ENO4: variants seen among roughly 807,000 people sequenced by gnomAD.
ENO4 encodes the protein 2-phospho-D-glycerate hydro-lyase.
In ENO4, 53 loss-of-function variants were observed where a neutral mutation model predicts 63.2. The observed-to-expected ratio is 0.84, with a 90% CI of 0.67 to 1.05. ENO4 has a LOEUF of 1.05. Ranked by LOEUF, ENO4 falls within the 50% of genes least tolerant of loss-of-function variation. The probability of loss-of-function intolerance (pLI) is 0.00; values close to 1 mark genes in which losing one functional copy is unlikely to be tolerated. For missense variants in ENO4, 719 were observed against 772.0 expected, an observed-to-expected ratio of 0.93 and a Z score of 0.81; for synonymous variants, 266 against 283.8, an observed-to-expected ratio of 0.94 and a Z score of 0.63.
At chr10:116,863,913 T>C (rs1313294989) in intron 7 of ENO4, among the ~76,000 whole-genome samples, 1 of 151,852 alleles carries the variant, frequency 6.6e-6, no homozygotes, top group Admixed American at 6.6e-5. Context: ...ACAAGTTAGC[T>C]CTGATGTTGC....
At chr10:116,894,818 G>A (rs954269219) in intron 10 of ENO4, among the ~76,000 whole-genome samples, 5 of 152,124 alleles carry the variant, frequency 3.3e-5, no homozygotes, top group Non-Finnish European at 7.3e-5. Context: ...GACAAGCAGC[G>A]CCACTTTCAG....
intron 13 of ENO4, 104 bp from the exon 14 acceptor site, chr10:116,881,411 G>A: frequency 1.2e-6 from 1 of 832,382 alleles, no homozygotes; most frequent in East Asian, 2.8e-5. Flanking sequence ...ATGGTGATGT[G>A]ACACCTTTGG....
chr10:116,890,360 G>A (rs966392854), intron 10 of ENO4, among the ~76,000 whole-genome samples: 3 of 152,134 alleles, frequency 2.0e-5, no homozygotes, highest in Non-Finnish European at 2.9e-5. Context: ...GGATCACCAT[G>A]GTGAGCTAGT....
rs781463624 is a variant in ENO4, at chr10:116,856,625, C to T, written c.428C>T (p.Thr143Met). The change falls in exon 3 of 14, where the codon ACG becomes ATG. Residue 143 changes from threonine to methionine, a missense_variant. By Grantham distance (81) the Thr-to-Met change is moderately conservative. Coordinates refer to ENST00000341276, the MANE Select transcript of ENO4 (RefSeq NM_001242699.2). The part of the protein sequence containing the change: ...TAVQWVNSTI[T>M]HELQGMAPSD... ...GTGCAGTGGGTCAACAGCACCATCA[C>T]GCACGAGCTCCAGGGGATGGCACCC... The T allele has an allele frequency of 5.9e-5, 91 of 1,535,944 alleles. No homozygotes were observed. Among genetic ancestry groups the T allele is most frequent in the East Asian group, 4.9e-5 (2 of 40,928 alleles).
chr10:116,886,864 TA>T (rs1847180803), downstream of ENO4, among the ~76,000 whole-genome samples: 1 of 152,178 alleles, frequency 6.6e-6, no homozygotes, highest in African/African-American at 2.4e-5. Flanking sequence ...TCAGGAAGCG[TA>T]AAGCTCATGG....
In ENO4 at chr10:116,862,794, T is replaced by A; in HGVS notation, c.937-5T>A. Reference sequence around the variant, plus strand: ...TGTGGAAGATCATGGTTGTTCTACTTACAGGGTGTCGAGATGCTTATGGAA... The same window carrying A: ...TGTGGAAGATCATGGTTGTTCTACTAACAGGGTGTCGAGATGCTTATGGAA... On this transcript the variant is annotated splice_polypyrimidine_tract_variant and splice_region_variant and intron_variant, in intron 6 of 13. Coordinates refer to ENST00000341276, the MANE Select transcript of ENO4 (RefSeq NM_001242699.2). 6.5e-7 allele frequency: 1 copy of A among 1,549,160 alleles called. No individual in the cohort carries two copies. The highest frequency in any genetic ancestry group is 8.7e-7 in the Non-Finnish European group (1 of 1,145,722).
At chr10:116,878,383 G>A (rs547084976) in intron 11 of ENO4, among the ~76,000 whole-genome samples, 1 of 152,306 alleles carries the variant, frequency 6.6e-6, no homozygotes, top group South Asian at 2.1e-4. Context: ...TGCAAACACC[G>A]TTGCTGCAGG....
chr10:116,905,989 A>G (rs1201738718), intron 10 of ENO4, among the ~76,000 whole-genome samples: 1 of 152,230 alleles, frequency 6.6e-6, no homozygotes, highest in East Asian at 1.9e-4. Context: ...TCAGTGACAG[A>G]GCTGGAATTT....
rs1402821642 is a variant in ENO4, at chr10:116,882,200, C to CT, written c.*537dup. ...CATCTCACTTTCCTACCCTTGATTC[C>CT]TTTTTTCCTAATTCCCTCTCCTTTT... On this transcript the variant is annotated 3_prime_UTR_variant, in exon 14 of 14. Transcript: ENST00000341276. 1 of 151,982 alleles carries CT rather than the reference C, an allele frequency of 6.6e-6. No homozygotes were observed. The highest frequency in any genetic ancestry group is 2.4e-5 in the African/African-American group (1 of 41,262). The allele number at this position is 151,982 out of a possible 1,614,324, so 9.4% of individuals were successfully genotyped here.
chr10:116,880,029 A>G (rs1484203260), intron 13 of ENO4, 43 bp downstream of exon 13: 5 of 1,410,004 alleles, frequency 3.5e-6, no homozygotes, highest in Non-Finnish European at 4.9e-6. Context: ...AGCCATGAAT[A>G]AGAGAACAAA....
chr10:116,881,242 C>G (rs1017130119), intron 13 of ENO4, among the ~76,000 whole-genome samples: 2 of 152,304 alleles, frequency 1.3e-5, no homozygotes, highest in East Asian at 3.9e-4. Flanking sequence ...TCCTCTTAAC[C>G]CTTTCCGCTA....
At chr10:116,878,421 A>C (rs1173420532) in intron 11 of ENO4, among the ~76,000 whole-genome samples, 1 of 152,190 alleles carries the variant, frequency 6.6e-6, no homozygotes, top group African/African-American at 2.4e-5. Context: ...CTCTTCACAG[A>C]CTGGCACATT....
At chr10:116,853,595 GTTCCT>G (rs1281230551) in intron 1 of ENO4, among the ~76,000 whole-genome samples, 1 of 152,138 alleles carries the variant, frequency 6.6e-6, no homozygotes, top group African/African-American at 2.4e-5. Flanking sequence ...AAAAATGTTA[GTTCCT>G]TTCCTCTCCT....
chr10:116,868,674 A>G lies in ENO4; in HGVS notation c.1015A>G (p.Lys339Glu). The G allele has an allele frequency of 6.4e-7, 1 of 1,550,548 alleles. No individual in the cohort carries two copies. The highest frequency in any genetic ancestry group is 1.4e-5 in the African/African-American group (1 of 73,164). Residue 339 changes from lysine to glutamate, a missense_variant, in exon 8 of 14, where the codon AAA (lysine) becomes GAA (glutamate). Physicochemically the swap from Lys to Glu is moderately conservative, Grantham distance 56. Transcript: ENST00000341276. ...EMPSPPKAET[K>E]KGHDGSKRGQ... ...GCCCTCTCCTCCAAAAGCAGAGACA[A>G]AAAAAGGGCACGATGGAAGCAAAAG...
chr10:116,853,294 CAAA>C (rs56885650), intron 1 of ENO4, among the ~76,000 whole-genome samples: 3 of 96,816 alleles, frequency 3.1e-5, no homozygotes, highest in Non-Finnish European at 5.8e-5. Flanking sequence ...GACTCCGTCT[CAAA>C]AAAAAAAAAA....
rs914929343 is a variant in ENO4 at position 116,860,609 on chromosome 10, C to G, written c.635-185C>G. ...AATGGCCTAAAATGTCTTAGACAGG[C>G]AAAATCCATGGCTAATGATTATTTG... On this transcript the variant is annotated intron_variant, in intron 4 of 13. Coordinates refer to ENST00000341276, the MANE Select transcript of ENO4 (RefSeq NM_001242699.2). Among the ~76,000 whole-genome samples, 30 of 152,132 alleles carry G rather than the reference C, an allele frequency of 2.0e-4. 1 individual carries two copies. The highest frequency in any genetic ancestry group is 2.4e-4 in the Non-Finnish European group (16 of 68,034).
At chr10:116,884,935 A>G (rs1190822956), downstream of ENO4, 1 of 152,254 alleles carries the variant, frequency 6.6e-6, no homozygotes, top group Admixed American at 6.5e-5. Context: ...AAAGAAAGAT[A>G]CAGTTGAAAA....
At chr10:116,888,561 A>T (rs1429946986) in intron 10 of ENO4, among the ~76,000 whole-genome samples, 1 of 152,156 alleles carries the variant, frequency 6.6e-6, no homozygotes, top group Non-Finnish European at 1.5e-5. Context: ...TCTCTCTCTC[A>T]CAAGCACCAA....
At chr10:116,876,298 T>G in intron 11 of ENO4, 38 bp downstream of exon 11, 2 of 1,461,386 alleles carry the variant, frequency 1.4e-6, no homozygotes, top group Non-Finnish European at 1.8e-6. Context: ...TCGTAATGAC[T>G]TGGTTATACA....
Sources: gnomAD v4.1 joint callset for allele counts (sites outside exome capture counted in the v4.1 genomes callset) on GRCh38, gnomAD v4.1.1 for gene constraint, MANE v1.5 for transcripts, NCBI Gene and HGNC (gene_info 2026-07-23, HGNC 2026-07-21) for gene names.